TTLL5: variants seen among roughly 807,000 people sequenced by gnomAD.
TTLL5 encodes the protein tubulin tyrosine ligase like 5, also known as tubulin polyglutamylase TTLL5.
TTLL5 carries 132 observed loss-of-function variants against 168.4 expected under a neutral mutation model. The observed-to-expected ratio is 0.78, with a 90% CI of 0.68 to 0.91. TTLL5 has a LOEUF of 0.91. Ranked by LOEUF, TTLL5 falls within the 40% of genes least tolerant of loss-of-function variation. The pLI is 0.00. For synonymous variants in TTLL5, 546 were observed against 558.6 expected, an observed-to-expected ratio of 0.98 and a Z score of 0.32; for missense variants, 1,545 against 1,581.5, an observed-to-expected ratio of 0.98 and a Z score of 0.39.
At chr14:75,663,800 A>G (rs562385413) in intron 2 of TTLL5, among the ~76,000 whole-genome samples, 1 of 152,294 alleles carries the variant, frequency 6.6e-6, no homozygotes, top group South Asian at 2.1e-4. Context: ...AGAATGAATA[A>G]TAGCTAGGTG....
intron 29 of TTLL5, among the ~76,000 whole-genome samples, chr14:75,873,096 C>T (rs1426013243): frequency 5.8e-5 from 8 of 137,248 alleles, no homozygotes; most frequent in Admixed American, 2.3e-4. Context: ...TTTTTTGAGA[C>T]GGAGTCTCGC....
At chr14:75,878,230 A>G (rs2031603299) in intron 29 of TTLL5, among the ~76,000 whole-genome samples, 1 of 152,214 alleles carries the variant, frequency 6.6e-6, no homozygotes, top group Admixed American at 6.5e-5. Context: ...GGCTGCTTAT[A>G]ACAGAACCCT....
At chr14:75,937,122 A>ATT (rs33999782) in intron 31 of TTLL5, among the ~76,000 whole-genome samples, 125 of 146,210 alleles carry the variant, frequency 8.5e-4, no homozygotes, top group Middle Eastern at 3.5e-3. Flanking sequence ...GTACATTTAC[A>ATT]TTTTTTTTTT....
At position 75,663,212 on chromosome 14, in the gene TTLL5, C is replaced by T. The variant is rs765821381; in HGVS notation, c.63C>T (p.Val21=). ...ETASSSEDEE[V]ISQEDHPCIM... The stretch of plus-strand genomic sequence containing the variant: ...CATCATCCTCAGAGGATGAGGAGGT[C>T]ATAAGTCAAGAGTAAGTAATAGCAA... Residue 21 remains valine (V), a synonymous_variant, in exon 2 of 32, where the codon GTC becomes GTT. Coordinates refer to ENST00000298832, the MANE Select transcript of TTLL5 (RefSeq NM_015072.5). 6 of 1,612,490 alleles carry T rather than the reference C, an allele frequency of 3.7e-6. No individual in the cohort carries two copies. Among genetic ancestry groups the T allele is most frequent in the Non-Finnish European group, 4.2e-6 (5 of 1,179,480 alleles).
chr14:75,882,928 A>T (rs2031893477), intron 30 of TTLL5, 26 bp downstream of exon 30: 1 of 1,607,432 alleles, frequency 6.2e-7, no homozygotes. Flanking sequence ...TTCAATTTCT[A>T]CTGAGTTTTA....
chr14:75,815,002 GT>G (rs1015078464), intron 27 of TTLL5, among the ~76,000 whole-genome samples: 4 of 152,150 alleles, frequency 2.6e-5, no homozygotes, highest in Admixed American at 6.5e-5. Flanking sequence ...TATTTCACTT[GT>G]TTTTCTGATA....
chr14:75,820,930 G>A (rs1894796433), intron 28 of TTLL5, among the ~76,000 whole-genome samples: 1 of 152,074 alleles, frequency 6.6e-6, no homozygotes, highest in Non-Finnish European at 1.5e-5. Flanking sequence ...TTACAGTGAA[G>A]TATTTTGACC....
chr14:75,800,297 G>A (rs1055110932), intron 27 of TTLL5, among the ~76,000 whole-genome samples: 5 of 152,014 alleles, frequency 3.3e-5, no homozygotes, highest in Admixed American at 1.3e-4. Context: ...CTTTAAGTGT[G>A]TCTTTTATTT....
chr14:75,940,430 C>G (rs542998226), intron 31 of TTLL5, among the ~76,000 whole-genome samples: 1 of 152,146 alleles, frequency 6.6e-6, no homozygotes, highest in African/African-American at 2.4e-5. Context: ...AAGAAACTCT[C>G]CTTTTAATAA....
intron 27 of TTLL5, among the ~76,000 whole-genome samples, chr14:75,816,974 A>AT (rs35736530): frequency 0.63 from 60,864 of 95,968 alleles, 21,095 homozygotes; most frequent in Non-Finnish European, 0.73. Flanking sequence ...TCCCTGTCTT[A>AT]TTTTTTTTTT....
chr14:75,709,828 TAAA>T (rs60209676), intron 9 of TTLL5: 14 of 39,884 alleles, frequency 3.5e-4, no homozygotes, highest in East Asian at 2.7e-3. Flanking sequence ...CCCATCTCAT[TAAA>T]AAAAAAAAAA....
intron 29 of TTLL5, 72 bp downstream of exon 29, chr14:75,863,934 A>AAAAAAAAAAAC: frequency 7.9e-7 from 1 of 1,266,296 alleles, no homozygotes; most frequent in Non-Finnish European, 1.0e-6. Context: ...AAAAAAAAAA[A>AAAAAAAAAAAC]GGTCAGTGAA....
In TTLL5 at chr14:75,752,906, C is replaced by T; in HGVS notation, c.1501C>T (p.His501Tyr). 6.2e-7 allele frequency: 1 copy of T among 1,613,470 alleles called. No homozygotes were observed. The highest frequency in any genetic ancestry group is 8.5e-7 in the Non-Finnish European group (1 of 1,179,688). ...TTTGCTTTTCAGGTCCTACCTCGAG[C>T]ATAAGACCTCAATGAACTATATGCT... ...TWEIYGSYLE[H>Y]KTSMNYMLAT... The change falls in exon 18 of 32, where the codon CAT becomes TAT. Residue 501 changes from histidine to tyrosine, a missense_variant. Coordinates refer to ENST00000298832, the MANE Select transcript of TTLL5 (RefSeq NM_015072.5).
At chr14:75,897,887 G>T (rs2140074990) in intron 30 of TTLL5, among the ~76,000 whole-genome samples, 1 of 152,286 alleles carries the variant, frequency 6.6e-6, no homozygotes, top group South Asian at 2.1e-4. Context: ...ACTACATCAA[G>T]CAGCTTTCCA....
chr14:75,820,889 G>C (rs1894790137), intron 28 of TTLL5: 1 of 151,866 alleles, frequency 6.6e-6, no homozygotes, highest in Non-Finnish European at 1.5e-5. Flanking sequence ...ATCAGTCCCT[G>C]AGTCGAATGC....
At chr14:75,812,904 G>C (rs1894139087) in intron 27 of TTLL5, among the ~76,000 whole-genome samples, 1 of 152,174 alleles carries the variant, frequency 6.6e-6, no homozygotes, top group Admixed American at 6.5e-5. Flanking sequence ...CCAAGATTCT[G>C]CATTTTTAAT....
chr14:75,753,475 T>TA (rs950097788), intron 18 of TTLL5, among the ~76,000 whole-genome samples: 2 of 152,218 alleles, frequency 1.3e-5, no homozygotes, highest in African/African-American at 4.8e-5. Flanking sequence ...TAGTCCCACA[T>TA]ACTTTTGTAG....
At chr14:75,781,496 T>C (rs1033974124) in intron 24 of TTLL5, among the ~76,000 whole-genome samples, 2 of 152,240 alleles carry the variant, frequency 1.3e-5, no homozygotes, top group Admixed American at 1.3e-4. Flanking sequence ...CTTAAGTTTT[T>C]GTATGATTCT....
At chr14:75,693,660 C>A (rs1003897900) in intron 6 of TTLL5, among the ~76,000 whole-genome samples, 1 of 152,148 alleles carries the variant, frequency 6.6e-6, no homozygotes, top group Admixed American at 6.5e-5. Context: ...CCAGCCATTC[C>A]CCTCAAGGGG....
Sources: gnomAD v4.1 joint callset for allele counts (sites outside exome capture counted in the v4.1 genomes callset) on GRCh38, gnomAD v4.1.1 for gene constraint, MANE v1.5 for transcripts, NCBI Gene and HGNC (gene_info 2026-07-23, HGNC 2026-07-21) for gene names.